PARPBP: variants seen among roughly 807,000 people sequenced by gnomAD.
The protein encoded by PARPBP is PARP1 binding protein.
Under a neutral mutation model 50.0 loss-of-function variants are expected in PARPBP, and 52 were observed. The ratio of observed to expected loss-of-function variants is 1.04; its 90% confidence interval spans 0.83 to 1.31. PARPBP has a LOEUF of 1.31. Among genes scored for constraint, PARPBP ranks in the 50% most tolerant of loss-of-function variants. PARPBP has a pLI of 0.00. For synonymous variants in PARPBP, 244 were observed against 232.1 expected, an observed-to-expected ratio of 1.05 and a Z score of -0.47; for missense variants, 697 against 672.0, an observed-to-expected ratio of 1.04 and a Z score of -0.41.
In PARPBP at chr12:102,195,922, T is replaced by A; in HGVS notation, c.1400-29T>A. On this transcript the variant is annotated intron_variant, in intron 10 of 10. Coordinates refer to ENST00000327680, the MANE Select transcript of PARPBP (RefSeq NM_017915.5). ...ATATTAATACTCAATATCATGTAAT[T>A]CCTTTCCCCTTTTTATCTTGCATAA... 4.3e-6 allele frequency: 6 copies of A among 1,392,574 alleles called. No individual in the cohort carries two copies. In the South Asian group the frequency reaches 8.2e-5, roughly 19 times the overall value. 86.3% of individuals were successfully genotyped at this position (1,392,574 alleles called of 1,614,324 possible).
At chr12:102,127,146 G>A (rs1273471296) in intron 2 of PARPBP, among the ~76,000 whole-genome samples, 2 of 152,246 alleles carry the variant, frequency 1.3e-5, no homozygotes, top group East Asian at 3.9e-4. Context: ...TGTAATTGCA[G>A]CACTCTGAGA....
chr12:102,132,139 A>G (rs1882957579), intron 2 of PARPBP, among the ~76,000 whole-genome samples: 1 of 151,440 alleles, frequency 6.6e-6, no homozygotes, highest in Non-Finnish European at 1.5e-5. Context: ...CAGGAGGTGG[A>G]GGTTGCAGTA....
chr12:102,144,733 A>T (rs1267672407), intron 2 of PARPBP, among the ~76,000 whole-genome samples: 1 of 152,158 alleles, frequency 6.6e-6, no homozygotes, highest in East Asian at 1.9e-4. Flanking sequence ...TTTTTGAGAT[A>T]AAACAGTTTA....
intron 1 of PARPBP, among the ~76,000 whole-genome samples, chr12:102,121,575 A>G (rs1881105261): frequency 8.0e-6 from 1 of 124,536 alleles, no homozygotes; most frequent in South Asian, 2.6e-4. Flanking sequence ...TTTTTTTAAG[A>G]CAGAGTCTCA....
intron 7 of PARPBP, among the ~76,000 whole-genome samples, chr12:102,177,195 TCAC>T: frequency 6.6e-6 from 1 of 152,300 alleles, no homozygotes; most frequent in Admixed American, 6.5e-5. Context: ...ACATTATAGT[TCAC>T]CTGGTAACCT....
chr12:102,168,052 T>C (rs1431467725), intron 6 of PARPBP, among the ~76,000 whole-genome samples: 2 of 152,220 alleles, frequency 1.3e-5, no homozygotes, highest in African/African-American at 2.4e-5. Flanking sequence ...TAGTTAGTTA[T>C]GACTCAACCA....
At position 102,162,975 on chromosome 12, in the gene PARPBP, ATAGTT is replaced by A. The variant is rs150540897; in HGVS notation, c.496-1460_496-1456del. Among the ~76,000 whole-genome samples the A allele has an allele frequency of 4.1e-3, 621 of 152,226 alleles. 5 individuals are homozygous for A. The highest frequency in any genetic ancestry group is 0.013 in the African/African-American group (534 of 41,548). On this transcript the variant is annotated intron_variant, in intron 4 of 10. Coordinates refer to ENST00000327680, the MANE Select transcript of PARPBP (RefSeq NM_017915.5). Reference sequence around the variant, plus strand: ...TATTATGTTTTCTTTTAAAAGTTTAATAGTTTATGTTGTACATTTATAGACTTATG... The same window carrying A: ...TATTATGTTTTCTTTTAAAAGTTTAATATGTTGTACATTTATAGACTTATG...
At position 102,182,601 on chromosome 12, in the gene PARPBP, G is replaced by T; in HGVS notation, c.1237G>T (p.Val413Leu). Residue 413 changes from valine to leucine, a missense_variant, in exon 9 of 11, where the codon GTG (valine) becomes TTG (leucine). Coordinates refer to ENST00000327680, the MANE Select transcript of PARPBP (RefSeq NM_017915.5). ...SIKPLRERIC[V>L]SMQEKKIKMK... Reference sequence around the variant, plus strand: ...AAAACCCCTAAGAGAACGCATCTGTGTGTCAATGCAAGAGAAAAAAATTAA... The same window carrying T: ...AAAACCCCTAAGAGAACGCATCTGTTTGTCAATGCAAGAGAAAAAAATTAA... The T allele has an allele frequency of 6.2e-7, 1 of 1,611,212 alleles. No homozygotes were observed. Among genetic ancestry groups the T allele is most frequent in the Non-Finnish European group, 8.5e-7 (1 of 1,178,244 alleles).
intron 6 of PARPBP, among the ~76,000 whole-genome samples, chr12:102,167,204 A>G (rs2136293170): frequency 6.6e-6 from 1 of 152,212 alleles, no homozygotes. Context: ...TTAATTGGTA[A>G]ACCCCTTATT....
chr12:102,149,306 T>C (rs1487998936), intron 3 of PARPBP, among the ~76,000 whole-genome samples: 1 of 152,210 alleles, frequency 6.6e-6, no homozygotes, highest in Non-Finnish European at 1.5e-5. Context: ...AAAATAGAAG[T>C]ATAACTCTTT....
intron 3 of PARPBP, among the ~76,000 whole-genome samples, chr12:102,153,565 C>A (rs1426084879): frequency 6.6e-6 from 1 of 152,184 alleles, no homozygotes; most frequent in Non-Finnish European, 1.5e-5. Context: ...TGGTCTTGAA[C>A]TCCCGGGCTC....
chr12:102,140,577 G>A (rs1884418409), intron 2 of PARPBP, among the ~76,000 whole-genome samples: 1 of 152,096 alleles, frequency 6.6e-6, no homozygotes, highest in Non-Finnish European at 1.5e-5. Context: ...TGTGATGTTA[G>A]GGTGTCGATT....
chr12:102,135,692 G>A (rs575274745), intron 2 of PARPBP, among the ~76,000 whole-genome samples: 84 of 152,198 alleles, frequency 5.5e-4, no homozygotes, highest in African/African-American at 1.9e-3. Context: ...ACCGTTACTT[G>A]TATAAAGAGG....
intron 6 of PARPBP, among the ~76,000 whole-genome samples, chr12:102,166,144 G>A (rs979098403): frequency 2.0e-5 from 3 of 152,010 alleles, no homozygotes; most frequent in Non-Finnish European, 4.4e-5. Context: ...ATTTTTATCT[G>A]GATGAAATAG....
intron 1 of PARPBP, among the ~76,000 whole-genome samples, chr12:102,121,420 A>T (rs1212102597): frequency 2.0e-5 from 3 of 151,750 alleles, no homozygotes; most frequent in South Asian, 2.1e-4. Context: ...GTCCATGGCT[A>T]TTTTCACACT....
intron 2 of PARPBP, among the ~76,000 whole-genome samples, chr12:102,140,071 T>C (rs1391155171): frequency 1.3e-5 from 2 of 152,172 alleles, no homozygotes; most frequent in Admixed American, 1.3e-4. Context: ...CCAGCTCCTC[T>C]TTGTACCTCT....
chr12:102,180,458 T>C (rs1033464493), intron 8 of PARPBP, among the ~76,000 whole-genome samples: 3 of 152,134 alleles, frequency 2.0e-5, no homozygotes, highest in African/African-American at 7.2e-5. Flanking sequence ...ATCCCGGAGC[T>C]TTAGGAGGCC....
intron 6 of PARPBP, among the ~76,000 whole-genome samples, chr12:102,172,615 A>C (rs1263694220): frequency 6.6e-6 from 1 of 152,222 alleles, no homozygotes; most frequent in Non-Finnish European, 1.5e-5. Context: ...TGACCTTGGC[A>C]AGTCTCTGAA....
At chr12:102,188,074 AG>A (rs914782231) in intron 9 of PARPBP, among the ~76,000 whole-genome samples, 1 of 152,040 alleles carries the variant, frequency 6.6e-6, no homozygotes, top group African/African-American at 2.4e-5. Context: ...AAACCACCAA[AG>A]TGTTTGGGTG....
Sources: allele counts gnomAD v4.1 joint callset (sites outside exome capture counted in the v4.1 genomes callset), GRCh38; gene constraint gnomAD v4.1.1; transcripts MANE v1.5; gene names NCBI Gene and HGNC (gene_info 2026-07-23, HGNC 2026-07-21).